CRAT: variants seen among roughly 807,000 people sequenced by gnomAD.
CRAT encodes the protein carnitine O-acetyltransferase.
A neutral mutation model predicts 73.7 loss-of-function variants in CRAT; 66 were observed. The observed-to-expected ratio is 0.90, with a 90% CI of 0.73 to 1.10. The LOEUF (loss-of-function observed/expected upper bound fraction) is 1.10, where lower values mean the gene tolerates loss of function less well. Among genes scored for constraint, CRAT ranks in the 50% least tolerant of loss-of-function variants. The pLI, the probability that CRAT is intolerant of heterozygous loss-of-function variation, is 0.00. For missense variants in CRAT, 745 were observed against 846.9 expected (o/e 0.88, Z 1.49); for synonymous variants, 321 against 343.2 (o/e 0.94, Z 0.71).
At position 129,098,320 on chromosome 9, in the gene CRAT, T is replaced by G; in HGVS notation, c.1257A>C (p.Lys419Asn). ...TTAGCTTCTCCGACTTGGGGAAGTC[T>G]TTTCCAAAATGGTGGAACACCATCA... is the stretch of plus-strand genomic sequence containing the variant. The part of the protein sequence containing the change: ...ITVMVFHHFG[K>N]DFPKSEKLSP... Residue 419 changes from lysine (K) to asparagine (N), a missense_variant, in exon 10 of 14, where the codon AAA becomes AAC. By Grantham distance (94) the Lys-to-Asn change is moderately conservative. Coordinates refer to ENST00000318080, the MANE Select transcript of CRAT (RefSeq NM_000755.5). The G allele has an allele frequency of 6.2e-7, 1 of 1,614,022 alleles. No individual in the cohort carries two copies. The highest frequency in any genetic ancestry group is 1.7e-5 in the Admixed American group (1 of 60,026).
chr9:129,096,282 G>A (rs376084251), intron 12 of CRAT, 147 bp from the exon 13 acceptor site: 8 of 1,041,376 alleles, frequency 7.7e-6, no homozygotes, highest in African/African-American at 4.8e-5. Flanking sequence ...GAGAGCCTTC[G>A]TTTCACAGAT....
In CRAT at chr9:129,104,268, G is replaced by A; in HGVS notation, c.330C>T (p.Tyr110=). The A allele has an allele frequency of 1.9e-6, 3 of 1,613,492 alleles. No homozygotes were observed. The highest frequency in any genetic ancestry group is 2.5e-6 in the Non-Finnish European group (3 of 1,179,814). Residue 110 remains tyrosine (Y), a synonymous_variant, in exon 3 of 14, where the codon TAC becomes TAT. Coordinates refer to ENST00000318080, the MANE Select transcript of CRAT (RefSeq NM_000755.5). ...TCGAGTAGATGACCACAGGCTGGCG[G>A]TACTGGAGGTAGGCGGTCTTGAGCC... ...EWWLKTAYLQ[Y]RQPVVIYSSP...
chr9:129,097,974 T>G, intron 11 of CRAT, 39 bp downstream of exon 11: 1 of 1,603,158 alleles, frequency 6.2e-7, no homozygotes, highest in Non-Finnish European at 8.5e-7. Context: ...AGGGAGGGGC[T>G]CAGGCCCAGC....
chr9:129,108,407 C>T lies in CRAT; in HGVS notation c.28-330G>A, dbSNP rs1848154642. The T allele has an allele frequency of 2.5e-6, 3 of 1,187,114 alleles. No homozygotes were observed. The East Asian group carries it at 1.5e-4, about 59-fold the overall frequency. The allele number at this position is 1,187,114 out of a possible 1,614,324, so 73.5% of individuals were successfully genotyped here. A position where few individuals can be genotyped will look rare whatever the true frequency, so the allele number is the denominator to read the frequency against. On this transcript the variant is annotated intron_variant, in intron 1 of 13. Coordinates refer to ENST00000318080, the MANE Select transcript of CRAT (RefSeq NM_000755.5). ...GGTTGCACAGGCCCCTCCTTTCTCA[C>T]CCTGGAAGAGGAGCCAGCCAGCAGA... is the stretch of plus-strand genomic sequence containing the variant.
chr9:129,103,214 C>A lies in CRAT; in HGVS notation c.411-148G>T. 1.4e-6 allele frequency: 1 copy of A among 712,670 alleles called. No homozygotes were observed. The allele number at this position is 712,670 out of a possible 1,614,324, so 44.1% of individuals were successfully genotyped here. A position where few individuals can be genotyped will look rare whatever the true frequency, so the allele number is the denominator to read the frequency against. The stretch of plus-strand genomic sequence containing the variant: ...CCTGGGAGCGCAAGGGAGGGGCCTG[C>A]GAGTCCCAGCTTGCCAGCCTGTGTG... On this transcript the variant is annotated intron_variant, in intron 3 of 13. Coordinates refer to ENST00000318080, the MANE Select transcript of CRAT (RefSeq NM_000755.5). This position sits in a 1 kb window ranked among gnomAD's most constrained non-coding sequence, Gnocchi z 4.6.
In CRAT at chr9:129,110,632, A is replaced by C; in HGVS notation, c.-123T>G. 8.4e-7 allele frequency: 1 copy of C among 1,190,486 alleles called. No homozygotes were observed. The highest frequency in any genetic ancestry group is 1.8e-5 in the South Asian group (1 of 56,028). The allele number at this position is 1,190,486 out of a possible 1,614,324, so 73.7% of individuals were successfully genotyped here. A position where few individuals can be genotyped will look rare whatever the true frequency, so the allele number is the denominator to read the frequency against. ...TAGAGCCTTCGGGCCAAGGTCGCTG[A>C]GTTACAGCCGCCAGCCGGTAGAGGC... On this transcript the variant is annotated 5_prime_UTR_variant, in exon 1 of 14. Transcript: ENST00000318080. This position sits in a 1 kb window ranked among gnomAD's most constrained non-coding sequence, Gnocchi z 5.3.
chr9:129,100,782 T>G, intron 6 of CRAT, 93 bp from the exon 7 acceptor site: 8 of 1,435,434 alleles, frequency 5.6e-6, no homozygotes, highest in Non-Finnish European at 5.6e-6. Flanking sequence ...CCCTGGGCTC[T>G]TCTGACCCAT....
chr9:129,095,738 T>C, intron 13 of CRAT, 126 bp from the exon 14 acceptor site: 2 of 1,031,008 alleles, frequency 1.9e-6, no homozygotes, highest in Non-Finnish European at 2.8e-6. Context: ...TGTCCCCTGC[T>C]ATATCCCAGC....
intron 1 of CRAT, chr9:129,109,362 G>A (rs1374089512): frequency 3.7e-5 from 41 of 1,097,562 alleles, no homozygotes; most frequent in Non-Finnish European, 4.6e-5. Flanking sequence ...CCTATTTCCT[G>A]TTTCTCTCCA....
chr9:129,097,376 GCCCACC>G, intron 11 of CRAT, 64 bp from the exon 12 acceptor site: 1 of 1,293,230 alleles, frequency 7.7e-7, no homozygotes, highest in Non-Finnish European at 1.1e-6. Context: ...CACCTCAGTA[GCCCACC>G]CCCACCCAGC....
chr9:129,102,161 G>C, intron 5 of CRAT, 104 bp from the exon 6 acceptor site: 2 of 1,372,018 alleles, frequency 1.5e-6, no homozygotes, highest in South Asian at 2.7e-5. Context: ...GCCTTGGAGG[G>C]GATGGAGTCA....
chr9:129,103,395 C>T lies in CRAT; in HGVS notation c.411-329G>A, dbSNP rs2131471541. Among the ~76,000 whole-genome samples the T allele has an allele frequency of 6.6e-6, 1 of 151,852 alleles. No homozygotes were observed. Among genetic ancestry groups the T allele is most frequent in the South Asian group, 2.1e-4 (1 of 4,808 alleles). ...TGGGTCTACCCACAAAGGGCCTGAG[C>T]TCCTGAACCTCAGCCTAGAATCTGG... On this transcript the variant is annotated intron_variant, in intron 3 of 13. Transcript: ENST00000318080. This position sits in a 1 kb window ranked among gnomAD's most constrained non-coding sequence, Gnocchi z 4.6.
rs1187123707 is a variant in CRAT at position 129,104,170 on chromosome 9, C to G, written c.410+18G>C. 3 of 1,591,416 alleles carry G rather than the reference C, an allele frequency of 1.9e-6. No individual in the cohort carries two copies. Among genetic ancestry groups the G allele is most frequent in the Non-Finnish European group, 2.6e-6 (3 of 1,167,786 alleles). Reference sequence around the variant, plus strand: ...AGGGGCCCGGCTGCCTCCTGGCCCCCAAACCCCAGCCACTCACCGGAGCTG... The same window carrying G: ...AGGGGCCCGGCTGCCTCCTGGCCCCGAAACCCCAGCCACTCACCGGAGCTG... On this transcript the variant is annotated intron_variant, in intron 3 of 13. Coordinates refer to ENST00000318080, the MANE Select transcript of CRAT (RefSeq NM_000755.5).
rs1246350107 is a variant in CRAT, at chr9:129,107,749, G to C, written c.291+65C>G. ...GCAAACGAACGGCCGTGCCAGAGCA[G>C]TGGGCACTGGAGAACTGTGCATGTG... On this transcript the variant is annotated intron_variant, in intron 2 of 13. Coordinates refer to ENST00000318080, the MANE Select transcript of CRAT (RefSeq NM_000755.5). The surrounding 1 kb of genome is among the most constrained non-coding windows in gnomAD (Gnocchi z 5.0). 1 of 1,607,684 alleles carries C rather than the reference G, an allele frequency of 6.2e-7. No homozygotes were observed. Among genetic ancestry groups the C allele is most frequent in the South Asian group, 1.1e-5 (1 of 90,940 alleles).
At chr9:129,101,538 G>A (rs1283031710) in intron 6 of CRAT, among the ~76,000 whole-genome samples, 3 of 152,246 alleles carry the variant, frequency 2.0e-5, no homozygotes, top group East Asian at 3.8e-4. Context: ...TCTCCGATAA[G>A]TTAAAGACAC....
chr9:129,100,285 GC>G, intron 7 of CRAT: 1 of 605,008 alleles, frequency 1.7e-6, no homozygotes, highest in Non-Finnish European at 2.9e-6. Flanking sequence ...TCTGTGAGGT[GC>G]TGAGGGGGTG....
Position 129,102,560 on chromosome 9 carries a change from G to T in CRAT, c.470C>A (p.Thr157Asn), listed in dbSNP as rs778518593. 6.2e-7 allele frequency: 1 copy of T among 1,614,062 alleles called. No homozygotes were observed. Among genetic ancestry groups the T allele is most frequent in the East Asian group, 2.2e-5 (1 of 44,874 alleles). The change falls in exon 5 of 14, where the codon ACC (threonine) becomes AAC (asparagine). Residue 157 changes from threonine (T) to asparagine (N), a missense_variant. Physicochemically the swap from Thr to Asn is moderately conservative, Grantham distance 65 (BLOSUM62 0). Coordinates refer to ENST00000318080, the MANE Select transcript of CRAT (RefSeq NM_000755.5). The stretch of plus-strand genomic sequence containing the variant: ...CCCCCCCAGGTACTCCACGGGCAGG[G>T]TCTCGCTATGGGGTAGAGGGGCAGT... ...LDFKVMIDNE[T>N]LPVEYLGGKP...
chr9:129,098,284 G>A lies in CRAT; in HGVS notation c.1293C>T (p.Ala431=). ...CCAGCTGCAAAGCCATCTGGATGAA[G>A]GCATCTGGGCTTAGCTTCTCCGACT... is the stretch of plus-strand genomic sequence containing the variant. ...FPKSEKLSPD[A]FIQMALQLAY... Residue 431 remains alanine (A), a synonymous_variant, in exon 10 of 14, where the codon GCC becomes GCT. Coordinates refer to ENST00000318080, the MANE Select transcript of CRAT (RefSeq NM_000755.5). The A allele has an allele frequency of 6.2e-7, 1 of 1,614,020 alleles. No homozygotes were observed. The highest frequency in any genetic ancestry group is 1.1e-5 in the South Asian group (1 of 91,088).
At chr9:129,108,167 ATCCCTGG>A in intron 1 of CRAT, 90 bp from the exon 2 acceptor site, 8 of 1,443,322 alleles carry the variant, frequency 5.5e-6, no homozygotes, top group South Asian at 1.5e-5. Context: ...TTAAGTGCCC[ATCCCTGG>A]GGGCAGAGAC....
Sources: gnomAD v4.1 joint callset for allele counts (sites outside exome capture counted in the v4.1 genomes callset) on GRCh38, gnomAD v4.1.1 for gene constraint, Gnocchi (gnomAD v3.1) non-coding constraint, MANE v1.5 for transcripts, NCBI Gene and HGNC (gene_info 2026-07-23, HGNC 2026-07-21) for gene names.